ADAMTSL1: variants seen among roughly 807,000 people sequenced by gnomAD.
The protein encoded by ADAMTSL1 is ADAMTS like 1.
A neutral mutation model predicts 201.8 loss-of-function variants in ADAMTSL1; 126 were observed. The ratio of observed to expected loss-of-function variants is 0.62; its 90% confidence interval spans 0.54 to 0.72. ADAMTSL1 has a LOEUF of 0.72. Ranked by LOEUF, ADAMTSL1 falls within the 30% of genes least tolerant of loss-of-function variation. The probability of loss-of-function intolerance (pLI) is 0.00; values close to 1 mark genes in which losing one functional copy is unlikely to be tolerated. For synonymous variants in ADAMTSL1, 1,121 were observed against 903.4 expected (o/e 1.24, Z -4.32); for missense variants, 2,679 against 2,277.8 (o/e 1.18, Z -3.59).
chr9:18,382,078 A>T (rs1449661808), intron 2 of ADAMTSL1, among the ~76,000 whole-genome samples: 1 of 152,146 alleles, frequency 6.6e-6, no homozygotes, highest in East Asian at 1.9e-4. Context: ...GACTCATGCA[A>T]TGATTGTGTA....
chr9:17,996,759 C>G (rs901070951), intron 1 of ADAMTSL1, among the ~76,000 whole-genome samples: 1 of 151,992 alleles, frequency 6.6e-6, no homozygotes, highest in African/African-American at 2.4e-5. Flanking sequence ...CATTTCACTC[C>G]CTGTACTCCC....
chr9:18,650,127 T>C (rs150008259), intron 7 of ADAMTSL1, among the ~76,000 whole-genome samples: 5,373 of 152,268 alleles, frequency 0.035, 141 homozygotes, highest in Non-Finnish European at 0.059. Context: ...CGCTGCCGCC[T>C]TGCAGTTTGA....
At chr9:18,892,640 G>C in intron 26 of ADAMTSL1, 44 bp downstream of exon 26, 1 of 1,536,392 alleles carries the variant, frequency 6.5e-7, no homozygotes, top group Non-Finnish European at 8.8e-7. Flanking sequence ...AAATCTAAAG[G>C]AATGGACCCT....
chr9:18,635,159 A>G (rs1351030799), intron 5 of ADAMTSL1, among the ~76,000 whole-genome samples: 3 of 151,870 alleles, frequency 2.0e-5, no homozygotes. Flanking sequence ...TAACCTCTGC[A>G]GTACCATAAA....
chr9:18,809,243 T>C (rs1438112830), intron 20 of ADAMTSL1, among the ~76,000 whole-genome samples: 2 of 152,124 alleles, frequency 1.3e-5, no homozygotes, highest in Admixed American at 6.5e-5. Flanking sequence ...GCATGCTTTA[T>C]ATGGAGTGGT....
At chr9:18,526,332 C>G (rs1427982307) in intron 2 of ADAMTSL1, among the ~76,000 whole-genome samples, 1 of 152,226 alleles carries the variant, frequency 6.6e-6, no homozygotes, top group Admixed American at 6.5e-5. Flanking sequence ...CTATGTGTGT[C>G]TCTGCACATG....
At chr9:18,677,421 A>T (rs1830190991) in intron 10 of ADAMTSL1, among the ~76,000 whole-genome samples, 1 of 152,056 alleles carries the variant, frequency 6.6e-6, no homozygotes, top group Non-Finnish European at 1.5e-5. Flanking sequence ...ATTTAACTGA[A>T]CTAAGATTTC....
intron 4 of ADAMTSL1, among the ~76,000 whole-genome samples, chr9:18,609,562 A>AAAAG (rs1587701005): frequency 6.6e-6 from 1 of 152,180 alleles, no homozygotes; most frequent in East Asian, 1.9e-4. Context: ...GGGCTGAAAT[A>AAAAG]GATCTGAGCT....
At chr9:18,353,495 A>AAGCAC in intron 2 of ADAMTSL1, among the ~76,000 whole-genome samples, 1 of 152,326 alleles carries the variant, frequency 6.6e-6, no homozygotes, top group African/African-American at 2.4e-5. Flanking sequence ...TAATCCATGA[A>AAGCAC]AGCACAGGTT....
At chr9:17,969,646 T>C (rs559988515) in intron 1 of ADAMTSL1, among the ~76,000 whole-genome samples, 1 of 152,208 alleles carries the variant, frequency 6.6e-6, no homozygotes, top group Non-Finnish European at 1.5e-5. Flanking sequence ...TTGAGCAGTA[T>C]ACTAAATGAG....
At chr9:18,728,440 G>A (rs1818027739) in intron 15 of ADAMTSL1, among the ~76,000 whole-genome samples, 1 of 151,980 alleles carries the variant, frequency 6.6e-6, no homozygotes. Context: ...AGCAGAGAGT[G>A]TTTTTGCATC....
intron 3 of ADAMTSL1, among the ~76,000 whole-genome samples, chr9:18,545,226 T>G (rs972383993): frequency 5.3e-5 from 8 of 152,164 alleles, no homozygotes; most frequent in Non-Finnish European, 4.4e-5. Context: ...CCTTGAAAAT[T>G]GGGCATTACC....
intron 2 of ADAMTSL1, among the ~76,000 whole-genome samples, chr9:18,376,657 T>C (rs1837309331): frequency 6.6e-6 from 1 of 151,904 alleles, no homozygotes; most frequent in South Asian, 2.1e-4. Context: ...AATACAAAAA[T>C]TAGCTGAGCA....
chr9:18,829,549 T>G (rs1312787024), intron 22 of ADAMTSL1, among the ~76,000 whole-genome samples: 1 of 152,200 alleles, frequency 6.6e-6, no homozygotes, highest in East Asian at 1.9e-4. Flanking sequence ...TTAACTTATC[T>G]ACAAATGTGT....
intron 19 of ADAMTSL1, 61 bp from the exon 20 acceptor site, chr9:18,795,336 T>G (rs548379427): frequency 7.2e-5 from 115 of 1,602,686 alleles, no homozygotes; most frequent in Non-Finnish European, 9.3e-5. Context: ...TTACCAATAT[T>G]GAATGCCAAA....
At chr9:18,539,125 G>T (rs1055955955) in intron 3 of ADAMTSL1, among the ~76,000 whole-genome samples, 1 of 152,118 alleles carries the variant, frequency 6.6e-6, no homozygotes, top group African/African-American at 2.4e-5. Context: ...TTGAAAATAA[G>T]GCATGATGCT....
chr9:17,970,062 A>G lies in ADAMTSL1; in HGVS notation c.87+63140A>G, dbSNP rs147900018. 3.3e-5 allele frequency among the ~76,000 whole-genome samples: 5 copies of G among 152,040 alleles called. No homozygotes were observed. In the East Asian group the frequency reaches 9.7e-4, roughly 29 times the overall value. On this transcript the variant is annotated intron_variant, in intron 1 of 29. Coordinates refer to the ADAMTSL1 transcript ENST00000680146. ...CACGTGGCTAATCTTCAAGTAGTAT[A>G]TTCAGATGCCTGCTCTATGTTTCTA...
chr9:18,603,179 C>T (rs1824770969), intron 4 of ADAMTSL1, among the ~76,000 whole-genome samples: 1 of 134,220 alleles, frequency 7.5e-6, no homozygotes, highest in African/African-American at 2.6e-5. Flanking sequence ...CTTTCTATTC[C>T]TTTGTTGAAT....
chr9:18,432,404 A>T (rs2133410471), intron 2 of ADAMTSL1, among the ~76,000 whole-genome samples: 1 of 152,328 alleles, frequency 6.6e-6, no homozygotes, highest in Non-Finnish European at 1.5e-5. Context: ...TGTAGCTTAC[A>T]TTATTCTATG....
Sources: allele counts gnomAD v4.1 joint callset (sites outside exome capture counted in the v4.1 genomes callset), GRCh38; gene constraint gnomAD v4.1.1; transcripts MANE v1.5; gene names NCBI Gene and HGNC (gene_info 2026-07-23, HGNC 2026-07-21).